The following MAML3 variants were observed in gnomAD, a reference collection of about 807,000 sequenced individuals.
The protein encoded by MAML3 is mastermind like transcriptional coactivator 3, also known as mastermind-like protein 3.
A neutral mutation model predicts 101.9 loss-of-function variants in MAML3; 27 were observed. That is an observed-to-expected ratio of 0.27 (90% CI 0.20 to 0.37). MAML3 has a LOEUF of 0.37. Ranked by LOEUF, MAML3 falls within the 10% of genes least tolerant of loss-of-function variation. MAML3 has a pLI of 1.00. For synonymous variants in MAML3, 501 were observed against 555.9 expected (o/e 0.90, Z 1.39); for missense variants, 1,316 against 1,444.9 (o/e 0.91, Z 1.45).
intron 1 of MAML3, among the ~76,000 whole-genome samples, chr4:140,033,426 G>A (rs1212307467): frequency 2.3e-4 from 5 of 21,516 alleles, no homozygotes; most frequent in African/African-American, 6.5e-4. Context: ...AAGAGGTACG[G>A]TATGGGAAAG....
intron 2 of MAML3, among the ~76,000 whole-genome samples, chr4:139,763,772 C>T (rs1422915331): frequency 1.3e-5 from 2 of 152,248 alleles, no homozygotes; most frequent in Middle Eastern, 3.4e-3. Flanking sequence ...CAGAAATTTA[C>T]GAGCAGCTGT....
At chr4:139,912,840 A>G (rs1021871974) in intron 1 of MAML3, among the ~76,000 whole-genome samples, 1 of 152,188 alleles carries the variant, frequency 6.6e-6, no homozygotes, top group African/African-American at 2.4e-5. Context: ...CCCTGCTGAC[A>G]CCTTGATTTT....
intron 1 of MAML3, among the ~76,000 whole-genome samples, chr4:139,944,459 T>C (rs1048185293): frequency 6.6e-6 from 1 of 152,086 alleles, no homozygotes. Context: ...GATAGTTTAC[T>C]GAGAATGATG....
Position 140,084,920 on chromosome 4 carries a change from A to C in MAML3, c.468+67940T>G, listed in dbSNP as rs138390427. On this transcript the variant is annotated intron_variant, in intron 1 of 4. Coordinates refer to ENST00000509479, the MANE Select transcript of MAML3 (RefSeq NM_018717.5). ...ACAATGCATCACCCTAGTCCAATGT[A>C]ACCTTAAAAACATCGGGGGGCGGCA... Among the ~76,000 whole-genome samples the C allele has an allele frequency of 8.8e-4, 134 of 152,296 alleles. 1 individual carries two copies. The East Asian group carries it at 0.025, about 28-fold the overall frequency.
chr4:140,106,821 T>C (rs1728360196), intron 1 of MAML3, among the ~76,000 whole-genome samples: 1 of 152,226 alleles, frequency 6.6e-6, no homozygotes. Context: ...TGAGATTAAT[T>C]CTGGAGTAAA....
chr4:139,835,438 T>G (rs867543840), intron 2 of MAML3, among the ~76,000 whole-genome samples: 1 of 152,254 alleles, frequency 6.6e-6, no homozygotes, highest in Non-Finnish European at 1.5e-5. Context: ...TCTTGTTATA[T>G]TCCTTCCAGA....
intron 1 of MAML3, among the ~76,000 whole-genome samples, chr4:140,062,166 CA>C (rs1424138376): frequency 6.6e-6 from 1 of 152,212 alleles, no homozygotes; most frequent in Non-Finnish European, 1.5e-5. Flanking sequence ...CCTCCTCACA[CA>C]CTGAAAAAGG....
chr4:139,758,969 G>A (rs1729705812), intron 2 of MAML3, among the ~76,000 whole-genome samples: 1 of 152,228 alleles, frequency 6.6e-6, no homozygotes, highest in Non-Finnish European at 1.5e-5. Flanking sequence ...AAGACATTTT[G>A]TTAGATGTTT....
intron 2 of MAML3, among the ~76,000 whole-genome samples, chr4:139,874,948 C>T (rs151085034): frequency 0.041 from 6,161 of 151,892 alleles, 190 homozygotes; most frequent in African/African-American, 0.088. Context: ...GAATTACAGG[C>T]GTCTGCCACC....
In MAML3 at chr4:140,098,523, C is replaced by G. The variant is rs115321635; in HGVS notation, c.468+54337G>C. ...ACCAAAGGGAGAAGCCAGATTCCCC[C>G]TTTCTTATCCTTCCCGTATCATCAC... On this transcript the variant is annotated intron_variant, in intron 1 of 4. Coordinates refer to ENST00000509479, the MANE Select transcript of MAML3 (RefSeq NM_018717.5). 1.9e-3 allele frequency among the ~76,000 whole-genome samples: 282 copies of G among 152,348 alleles called. 1 individual carries two copies. The highest frequency in any genetic ancestry group is 6.4e-3 in the African/African-American group (265 of 41,600).
chr4:139,830,266 C>T (rs190734115), intron 2 of MAML3, among the ~76,000 whole-genome samples: 1 of 152,234 alleles, frequency 6.6e-6, no homozygotes, highest in Admixed American at 6.5e-5. Context: ...GTCCTTTCTC[C>T]CCAAAGATTC....
At chr4:139,901,309 T>C (rs1442311683) in intron 1 of MAML3, among the ~76,000 whole-genome samples, 1 of 152,226 alleles carries the variant, frequency 6.6e-6, no homozygotes, top group Non-Finnish European at 1.5e-5. Flanking sequence ...TCAGTAGCTT[T>C]CTGTAGGAAA....
Position 139,907,005 on chromosome 4 carries a change from G to A in MAML3, c.469-16038C>T, listed in dbSNP as rs564555003. On this transcript the variant is annotated intron_variant, in intron 1 of 4. Coordinates refer to ENST00000509479, the MANE Select transcript of MAML3 (RefSeq NM_018717.5). ...TTGTCTAAACACCACACATCAAAAAGAGCTGAACAGAAAGGTATCAAGCAA... is the reference window on the plus strand; with the variant it reads ...TTGTCTAAACACCACACATCAAAAAAAGCTGAACAGAAAGGTATCAAGCAA... Among the ~76,000 whole-genome samples the A allele has an allele frequency of 1.3e-3, 194 of 152,264 alleles. 1 individual carries two copies. Among genetic ancestry groups the A allele is most frequent in the Non-Finnish European group, 2.3e-3 (157 of 68,022 alleles).
intron 1 of MAML3, among the ~76,000 whole-genome samples, chr4:140,049,252 G>A (rs904205488): frequency 6.6e-6 from 1 of 152,100 alleles, no homozygotes; most frequent in Admixed American, 6.6e-5. Flanking sequence ...CTCCCTCGCC[G>A]CCTCCCTTTC....
intron 1 of MAML3, among the ~76,000 whole-genome samples, chr4:140,068,773 T>A (rs769309359): frequency 9.2e-5 from 14 of 152,224 alleles, no homozygotes; most frequent in Non-Finnish European, 1.9e-4. Context: ...ATAGTGGCAC[T>A]CAATAAATAT....
rs1394373852 is a variant in MAML3 at position 140,011,337 on chromosome 4, G to GTTTTTTTTTTTTTTTTTTTTTTTT, written c.469-120371_469-120370insAAAAAAAAAAAAAAAAAAAAAAAA. On this transcript the variant is annotated intron_variant, in intron 1 of 4. Transcript: ENST00000509479. ...GATTGGTTTTACTCAAGGTTTTCTT[G>GTTTTTTTTTTTTTTTTTTTTTTTT]TTTTGTTTTTTTTTTTTTGAGACGG... Among the ~76,000 whole-genome samples the GTTTTTTTTTTTTTTTTTTTTTTTT allele has an allele frequency of 1.8e-5, 2 of 109,816 alleles. 1 individual carries two copies. 72.0% of individuals were successfully genotyped at this position (109,816 alleles called of 152,430 possible).
intron 1 of MAML3, 25 bp downstream of exon 1, chr4:140,152,835 A>C: frequency 3.2e-6 from 5 of 1,549,686 alleles, no homozygotes; most frequent in South Asian, 2.4e-5. Flanking sequence ...CGCGCGCCGC[A>C]AGCCCGCTGC....
chr4:139,977,180 C>T (rs999880089), intron 1 of MAML3, among the ~76,000 whole-genome samples: 1 of 152,196 alleles, frequency 6.6e-6, no homozygotes, highest in Admixed American at 6.5e-5. Context: ...TCTTCAACTT[C>T]TCAGCCTGCA....
chr4:139,727,475 G>C (rs1340575107), intron 3 of MAML3, among the ~76,000 whole-genome samples: 1 of 152,142 alleles, frequency 6.6e-6, no homozygotes, highest in African/African-American at 2.4e-5. Context: ...GTGTATCCTG[G>C]AGTCAGGAAT....
Sources: allele counts gnomAD v4.1 joint callset (sites outside exome capture counted in the v4.1 genomes callset), GRCh38; gene constraint gnomAD v4.1.1; transcripts MANE v1.5; gene names NCBI Gene and HGNC (gene_info 2026-07-23, HGNC 2026-07-21).